The following UBE2E2 variants were observed in gnomAD, a reference collection of about 807,000 sequenced individuals.
UBE2E2 encodes the protein ubiquitin conjugating enzyme E2 E2.
A neutral mutation model predicts 24.7 loss-of-function variants in UBE2E2; 6 were observed. The observed-to-expected ratio is 0.24, with a 90% CI of 0.13 to 0.48. The LOEUF (loss-of-function observed/expected upper bound fraction) is 0.48, where lower values mean the gene tolerates loss of function less well. UBE2E2 is among the 20% of genes least tolerant of loss of function. UBE2E2 has a pLI of 0.99. For missense variants in UBE2E2, 169 were observed against 245.0 expected, an observed-to-expected ratio of 0.69 and a Z score of 2.07; for synonymous variants, 104 against 83.6, an observed-to-expected ratio of 1.24 and a Z score of -1.33.
chr3:23,257,516 C>T (rs1246304647), intron 3 of UBE2E2, among the ~76,000 whole-genome samples: 1 of 9,034 alleles, frequency 1.1e-4, no homozygotes, highest in African/African-American at 3.5e-4. Flanking sequence ...TCCCGTGCCC[C>T]CCCCCCCCCC....
chr3:23,561,207 C>G (rs923037266), intron 5 of UBE2E2, among the ~76,000 whole-genome samples: 3 of 152,088 alleles, frequency 2.0e-5, no homozygotes, highest in African/African-American at 7.2e-5. Flanking sequence ...GGTTTTAGGT[C>G]TAACGTTTAA....
chr3:23,559,310 G>A (rs965434426), intron 5 of UBE2E2, among the ~76,000 whole-genome samples: 2 of 152,060 alleles, frequency 1.3e-5, no homozygotes, highest in African/African-American at 2.4e-5. Flanking sequence ...CAATCTCAAA[G>A]TGTCACTGGG....
chr3:23,579,901 C>T (rs1331245237), intron 5 of UBE2E2, among the ~76,000 whole-genome samples: 1 of 152,142 alleles, frequency 6.6e-6, no homozygotes, highest in East Asian at 1.9e-4. Context: ...TTGATTCCAA[C>T]TCTCGTGGAT....
At chr3:23,216,720 T>G (rs968604951) in intron 2 of UBE2E2, among the ~76,000 whole-genome samples, 1 of 152,018 alleles carries the variant, frequency 6.6e-6, no homozygotes, top group Non-Finnish European at 1.5e-5. Flanking sequence ...CATTAATTGC[T>G]CATGTAATAT....
At chr3:23,408,343 A>T (rs953259759) in intron 3 of UBE2E2, among the ~76,000 whole-genome samples, 2 of 152,136 alleles carry the variant, frequency 1.3e-5, no homozygotes, top group African/African-American at 4.8e-5. Context: ...CTTGGGTTTG[A>T]TAATTTATTT....
At chr3:23,356,110 A>G (rs1695942250) in intron 3 of UBE2E2, among the ~76,000 whole-genome samples, 1 of 152,224 alleles carries the variant, frequency 6.6e-6, no homozygotes, top group African/African-American at 2.4e-5. Flanking sequence ...CCTGATGCTC[A>G]GTTAAACCTA....
chr3:23,371,392 G>A (rs1696395841), intron 3 of UBE2E2, among the ~76,000 whole-genome samples: 1 of 151,934 alleles, frequency 6.6e-6, no homozygotes, highest in South Asian at 2.1e-4. Context: ...GCAGCATTGT[G>A]GATATTTTAT....
At chr3:23,229,318 T>TG (rs1056016675) in intron 3 of UBE2E2, among the ~76,000 whole-genome samples, 2 of 152,172 alleles carry the variant, frequency 1.3e-5, no homozygotes, top group African/African-American at 4.8e-5. Context: ...ATAGGTTTTT[T>TG]GGGGAACAGG....
At chr3:23,324,263 A>G (rs1694826522) in intron 3 of UBE2E2, among the ~76,000 whole-genome samples, 1 of 152,120 alleles carries the variant, frequency 6.6e-6, no homozygotes. Flanking sequence ...CTGTGATTTT[A>G]TAAAATACGA....
intron 3 of UBE2E2, among the ~76,000 whole-genome samples, chr3:23,288,656 T>A (rs1022644343): frequency 1.3e-5 from 2 of 152,214 alleles, no homozygotes; most frequent in Non-Finnish European, 2.9e-5. Context: ...TTTATCATTA[T>A]ATTATGACCT....
At chr3:23,363,282 T>C (rs979886111) in intron 3 of UBE2E2, among the ~76,000 whole-genome samples, 3 of 152,150 alleles carry the variant, frequency 2.0e-5, no homozygotes, top group African/African-American at 7.2e-5. Flanking sequence ...GATGATGAAA[T>C]CAGACCTGCA....
chr3:23,363,714 C>G (rs1696185622), intron 3 of UBE2E2, among the ~76,000 whole-genome samples: 1 of 152,052 alleles, frequency 6.6e-6, no homozygotes, highest in Non-Finnish European at 1.5e-5. Flanking sequence ...GTTCAACAAC[C>G]CACTGACACT....
At chr3:23,207,892 T>C (rs942045015) in intron 1 of UBE2E2, among the ~76,000 whole-genome samples, 1 of 152,192 alleles carries the variant, frequency 6.6e-6, no homozygotes, top group Admixed American at 6.5e-5. Flanking sequence ...TCTTAGAATA[T>C]TTATTATTAG....
chr3:23,560,975 G>A (rs1354879071), intron 5 of UBE2E2, among the ~76,000 whole-genome samples: 2 of 152,084 alleles, frequency 1.3e-5, no homozygotes, highest in Non-Finnish European at 2.9e-5. Context: ...TTAGACCTTT[G>A]TCAGATGGGT....
intron 3 of UBE2E2, among the ~76,000 whole-genome samples, chr3:23,303,737 G>A (rs550988694): frequency 2.6e-5 from 4 of 151,874 alleles, no homozygotes; most frequent in South Asian, 2.1e-4. Flanking sequence ...TGAAACAAAG[G>A]TTTACAACAA....
At chr3:23,371,022 T>C (rs904293291) in intron 3 of UBE2E2, among the ~76,000 whole-genome samples, 7 of 152,174 alleles carry the variant, frequency 4.6e-5, no homozygotes, top group African/African-American at 9.7e-5. Flanking sequence ...TTGTGTACTT[T>C]TTTATTTTAA....
In UBE2E2 at chr3:23,534,114, A is replaced by G. The variant is rs1015660866; in HGVS notation, c.508+1413A>G. 4.7e-6 allele frequency: 4 copies of G among 858,620 alleles called. No homozygotes were observed. The Admixed American group carries it at 2.6e-4, about 56-fold the overall frequency. 53.2% of individuals were successfully genotyped at this position (858,620 alleles called of 1,614,324 possible). A position where few individuals can be genotyped will look rare whatever the true frequency, so the allele number is the denominator to read the frequency against. ...CCTTGTATAACCTCATTTGGAGGTA[A>G]TGTTGCAAGAAGGCTTTTTTTTTTT... On this transcript the variant is annotated intron_variant, in intron 5 of 5. Coordinates refer to ENST00000396703, the MANE Select transcript of UBE2E2 (RefSeq NM_152653.4).
chr3:23,412,523 A>C (rs1697517237), intron 3 of UBE2E2, among the ~76,000 whole-genome samples: 1 of 152,140 alleles, frequency 6.6e-6, no homozygotes, highest in African/African-American at 2.4e-5. Flanking sequence ...TAGAATTCCT[A>C]CTGGTTAGTA....
chr3:23,414,357 G>T (rs1382092859), intron 3 of UBE2E2, among the ~76,000 whole-genome samples: 4 of 152,092 alleles, frequency 2.6e-5, no homozygotes, highest in Non-Finnish European at 5.9e-5. Flanking sequence ...TAAAGGTCCT[G>T]ACATAGTGCT....
Sources: gnomAD v4.1 joint callset for allele counts (sites outside exome capture counted in the v4.1 genomes callset) on GRCh38, gnomAD v4.1.1 for gene constraint, MANE v1.5 for transcripts, NCBI Gene and HGNC (gene_info 2026-07-23, HGNC 2026-07-21) for gene names.